The following PLCB1 variants were observed in gnomAD, a reference collection of about 807,000 sequenced individuals.
The protein encoded by PLCB1 is 1-phosphatidylinositol 4,5-bisphosphate phosphodiesterase beta-1.
A neutral mutation model predicts 161.8 loss-of-function variants in PLCB1; 46 were observed. The observed-to-expected ratio is 0.28, with a 90% CI of 0.22 to 0.36. PLCB1 has a LOEUF of 0.36. Ranked by LOEUF, PLCB1 falls within the 10% of genes least tolerant of loss-of-function variation. The probability of loss-of-function intolerance (pLI) is 1.00; values close to 1 mark genes in which losing one functional copy is unlikely to be tolerated. For synonymous variants in PLCB1, 517 were observed against 503.7 expected (o/e 1.03, Z -0.35); for missense variants, 1,016 against 1,472.5 (o/e 0.69, Z 5.07).
intron 4 of PLCB1, among the ~76,000 whole-genome samples, chr20:8,633,876 C>A (rs1049242920): frequency 1.3e-5 from 2 of 152,102 alleles, no homozygotes; most frequent in African/African-American, 4.8e-5. Flanking sequence ...TGAAATCATA[C>A]AATAAAGTCT....
At chr20:8,649,606 C>T (rs6055975) in intron 7 of PLCB1, 157 bp downstream of exon 7, 129 of 601,814 alleles carry the variant, frequency 2.1e-4, no homozygotes, top group African/African-American at 1.4e-3. Flanking sequence ...GGATTATCAT[C>T]GGAGAGGAAC....
chr20:8,574,340 A>C (rs971743221), intron 3 of PLCB1, among the ~76,000 whole-genome samples: 1 of 152,178 alleles, frequency 6.6e-6, no homozygotes, highest in Non-Finnish European at 1.5e-5. Context: ...CAGAGGTTGC[A>C]CTGAGCCAAG....
intron 3 of PLCB1, among the ~76,000 whole-genome samples, chr20:8,488,438 A>G (rs916164648): frequency 6.6e-6 from 1 of 152,118 alleles, no homozygotes; most frequent in African/African-American, 2.4e-5. Flanking sequence ...TTAATAAATC[A>G]TGGGACAATT....
At chr20:8,161,582 T>C (rs2051624144) in intron 2 of PLCB1, among the ~76,000 whole-genome samples, 1 of 152,224 alleles carries the variant, frequency 6.6e-6, no homozygotes, top group African/African-American at 2.4e-5. Flanking sequence ...TGCAGGATTT[T>C]TTTCCTTGGA....
chr20:8,172,401 T>G (rs1447067111), intron 2 of PLCB1, among the ~76,000 whole-genome samples: 6 of 152,070 alleles, frequency 3.9e-5, no homozygotes, highest in Non-Finnish European at 8.8e-5. Flanking sequence ...AAAGAATTGG[T>G]AAATGTGAAG....
chr20:8,348,916 A>C (rs1220347585), intron 2 of PLCB1, among the ~76,000 whole-genome samples: 1 of 152,204 alleles, frequency 6.6e-6, no homozygotes, highest in Non-Finnish European at 1.5e-5. Context: ...AGAAGTATAA[A>C]ATGGAATTTT....
chr20:8,843,536 G>A (rs1312881749), intron 31 of PLCB1, among the ~76,000 whole-genome samples: 1 of 151,848 alleles, frequency 6.6e-6, no homozygotes, highest in South Asian at 2.1e-4. Flanking sequence ...CCCATCATAG[G>A]CATATTCACT....
intron 3 of PLCB1, among the ~76,000 whole-genome samples, chr20:8,406,132 A>T (rs1389921638): frequency 6.6e-6 from 1 of 152,086 alleles, no homozygotes; most frequent in Non-Finnish European, 1.5e-5. Context: ...TGAGTTACAG[A>T]TTTACTTTAT....
At chr20:8,431,217 T>C (rs1980027144) in intron 3 of PLCB1, among the ~76,000 whole-genome samples, 1 of 152,132 alleles carries the variant, frequency 6.6e-6, no homozygotes, top group African/African-American at 2.4e-5. Flanking sequence ...CTATCCCAAA[T>C]GTTGAAGTTT....
rs1988017655 is a variant in PLCB1, at chr20:8,882,073, T to G, written c.*224T>G. The G allele has an allele frequency of 4.4e-6, 2 of 457,278 alleles. No homozygotes were observed. The highest frequency in any genetic ancestry group is 7.7e-6 in the Non-Finnish European group (2 of 259,324). The allele number at this position is 457,278 out of a possible 1,614,324, so 28.3% of individuals were successfully genotyped here. ...GGTCTGCTAGTGAAGAATGCATGTA[T>G]GTGAGATTTTTGTTTTCTTTCCAAT... On this transcript the variant is annotated 3_prime_UTR_variant, in exon 32 of 32. Transcript: ENST00000338037.
In PLCB1 at chr20:8,176,994, T is replaced by C. The variant is rs377727233; in HGVS notation, c.177+26623T>C. 1.4e-4 allele frequency among the ~76,000 whole-genome samples: 21 copies of C among 152,288 alleles called. No individual in the cohort carries two copies. The East Asian group carries it at 2.3e-3, about 17-fold the overall frequency. On this transcript the variant is annotated intron_variant, in intron 2 of 31. Coordinates refer to ENST00000338037, the MANE Select transcript of PLCB1 (RefSeq NM_015192.4). ...CCCTTCTCAGTAATCAGTAGTATAA[T>C]ATTATGTTTATAGAAAAATATCTCA...
At chr20:8,403,372 A>G (rs1247892328) in intron 3 of PLCB1, among the ~76,000 whole-genome samples, 1 of 151,872 alleles carries the variant, frequency 6.6e-6, no homozygotes, top group Non-Finnish European at 1.5e-5. Context: ...ATGAAGCAAG[A>G]CTGTGTCTCA....
chr20:8,132,827 G>GGCGT lies in PLCB1; in HGVS notation c.99+78_99+79insCGTG. 8.6e-6 allele frequency: 9 copies of GGCGT among 1,043,278 alleles called. 1 individual carries two copies. In the South Asian group the frequency reaches 1.2e-4, roughly 14 times the overall value. 64.6% of individuals were successfully genotyped at this position (1,043,278 alleles called of 1,614,324 possible). ...GCGGGCGTCGTGGGGGTGGGGCAAG[G>GGCGT]GGCGCGTTATGCAATGGGCGCACTG... On this transcript the variant is annotated intron_variant, in intron 1 of 31. Transcript: ENST00000338037. The surrounding 1 kb of genome is among the most constrained non-coding windows in gnomAD (Gnocchi z 5.2).
intron 3 of PLCB1, among the ~76,000 whole-genome samples, chr20:8,474,445 G>A (rs1228635764): frequency 7.2e-5 from 11 of 152,150 alleles, no homozygotes. Context: ...TAGGTGTAGG[G>A]AACAGCAGGG....
intron 3 of PLCB1, among the ~76,000 whole-genome samples, chr20:8,478,583 G>A (rs62197593): frequency 0.25 from 38,155 of 152,002 alleles, 5,079 homozygotes; most frequent in Non-Finnish European, 0.3. Context: ...ACTATTTTAT[G>A]TTTTGCATTT....
At chr20:8,475,775 T>C (rs1335867386) in intron 3 of PLCB1, among the ~76,000 whole-genome samples, 2 of 152,148 alleles carry the variant, frequency 1.3e-5, no homozygotes, top group African/African-American at 4.8e-5. Context: ...AATAGGATAA[T>C]CAATGCAAGG....
At chr20:8,834,411 A>C (rs1394859816) in intron 31 of PLCB1, among the ~76,000 whole-genome samples, 1 of 152,006 alleles carries the variant, frequency 6.6e-6, no homozygotes, top group Non-Finnish European at 1.5e-5. Flanking sequence ...TCACCCTTAC[A>C]TATGTATGTG....
chr20:8,790,382 A>G, intron 31 of PLCB1, 121 bp downstream of exon 31: 2 of 657,532 alleles, frequency 3.0e-6, no homozygotes, highest in Non-Finnish European at 5.2e-6. Context: ...TTGCATATGA[A>G]ACTCATGTAT....
At chr20:8,224,474 C>G (rs548420907) in intron 2 of PLCB1, among the ~76,000 whole-genome samples, 32 of 152,184 alleles carry the variant, frequency 2.1e-4, no homozygotes, top group African/African-American at 7.2e-4. Context: ...GCAATTGAGA[C>G]TACATTTTGA....
Sources: gnomAD v4.1 joint callset for allele counts (sites outside exome capture counted in the v4.1 genomes callset) on GRCh38, gnomAD v4.1.1 for gene constraint, Gnocchi (gnomAD v3.1) non-coding constraint, MANE v1.5 for transcripts, NCBI Gene and HGNC (gene_info 2026-07-23, HGNC 2026-07-21) for gene names.